The following RP1 variants were observed in gnomAD, a reference collection of about 807,000 sequenced individuals.
RP1 encodes the protein oxygen-regulated protein 1.
In RP1, 16 loss-of-function variants were observed where a neutral mutation model predicts 14.8. That is an observed-to-expected ratio of 1.08 (90% CI 0.73 to 1.65). The LOEUF (loss-of-function observed/expected upper bound fraction) is 1.65. Ranked by LOEUF, RP1 falls within the 40% of genes most tolerant of loss-of-function variation. The pLI is 0.00. For missense variants in RP1, 2,631 were observed against 2,535.0 expected, an observed-to-expected ratio of 1.04 and a Z score of -0.81; for synonymous variants, 876 against 883.6, an observed-to-expected ratio of 0.99 and a Z score of 0.15.
intron 16 of RP1, among the ~76,000 whole-genome samples, chr8:54,725,776 C>A (rs1361189850): frequency 6.6e-6 from 1 of 152,096 alleles, no homozygotes; most frequent in African/African-American, 2.4e-5. Flanking sequence ...AATTTGAAAT[C>A]CTAAATATAA....
At chr8:54,596,450 C>A (rs1805147594) in intron 1 of RP1, among the ~76,000 whole-genome samples, 1 of 152,130 alleles carries the variant, frequency 6.6e-6, no homozygotes, top group Admixed American at 6.5e-5. Flanking sequence ...ACATGAATAC[C>A]TTTCAAATCT....
chr8:54,736,604 G>A (rs1808929772), intron 18 of RP1, among the ~76,000 whole-genome samples: 1 of 152,144 alleles, frequency 6.6e-6, no homozygotes, highest in South Asian at 2.1e-4. Flanking sequence ...CTGGTAAATG[G>A]CTCAGGATAT....
At chr8:54,848,556 T>C (rs1304831184) in intron 25 of RP1, among the ~76,000 whole-genome samples, 1 of 152,180 alleles carries the variant, frequency 6.6e-6, no homozygotes, top group Non-Finnish European at 1.5e-5. Flanking sequence ...CACAGAAATA[T>C]GAACTCATAG....
chr8:54,847,262 T>C (rs1434521364), intron 25 of RP1, among the ~76,000 whole-genome samples: 4 of 152,198 alleles, frequency 2.6e-5, no homozygotes, highest in Non-Finnish European at 5.9e-5. Flanking sequence ...ACAAGTGATG[T>C]CTCTTCTAAG....
Position 54,741,046 on chromosome 8 carries a change from A to C in RP1, c.2808+2017A>C, listed in dbSNP as rs1809072138. On this transcript the variant is annotated intron_variant, in intron 19 of 22. Transcript: ENST00000636932. Reference sequence around the variant, plus strand: ...AGTGAGACTTTGTCTCAAAAAAAAAAAAAGCTTATGGAATAAGAATATAAA... The same window carrying C: ...AGTGAGACTTTGTCTCAAAAAAAAACAAAGCTTATGGAATAAGAATATAAA... 1.3e-5 allele frequency among the ~76,000 whole-genome samples: 2 copies of C among 152,154 alleles called. 1 individual carries two copies. Among genetic ancestry groups the C allele is most frequent in the South Asian group, 4.1e-4 (2 of 4,824 alleles).
At chr8:54,819,706 A>G (rs1326392050) in intron 24 of RP1, among the ~76,000 whole-genome samples, 2 of 152,168 alleles carry the variant, frequency 1.3e-5, no homozygotes, top group Non-Finnish European at 2.9e-5. Flanking sequence ...AAGCCCAGCA[A>G]TGCTGCAACT....
chr8:54,789,834 AG>A (rs1275771720), intron 24 of RP1, among the ~76,000 whole-genome samples: 1 of 152,166 alleles, frequency 6.6e-6, no homozygotes, highest in Non-Finnish European at 1.5e-5. Flanking sequence ...CTGCATTATC[AG>A]GCAACCCACC....
At chr8:54,801,284 T>C (rs1810699485) in intron 24 of RP1, among the ~76,000 whole-genome samples, 2 of 152,162 alleles carry the variant, frequency 1.3e-5, no homozygotes, top group African/African-American at 4.8e-5. Context: ...GTTAATGTAG[T>C]GTTGAGAGGG....
At chr8:54,741,699 A>ATGTG (rs370666848) in intron 19 of RP1, among the ~76,000 whole-genome samples, 25 of 98,976 alleles carry the variant, frequency 2.5e-4, no homozygotes, top group African/African-American at 9.9e-4. Context: ...ATAAATACAA[A>ATGTG]TGTGTGTGTA....
chr8:54,747,991 A>C (rs1214753193), intron 19 of RP1, among the ~76,000 whole-genome samples: 1 of 152,216 alleles, frequency 6.6e-6, no homozygotes, highest in East Asian at 1.9e-4. Flanking sequence ...AAATAGACTC[A>C]AATAGAATAG....
intron 1 of RP1, among the ~76,000 whole-genome samples, chr8:54,609,508 A>G (rs1805540605): frequency 6.6e-6 from 1 of 152,122 alleles, no homozygotes; most frequent in Non-Finnish European, 1.5e-5. Flanking sequence ...AAAAAAAGAG[A>G]AAACAACATA....
intron 6 of RP1, among the ~76,000 whole-genome samples, chr8:54,660,027 T>C (rs1030187519): frequency 3.8e-4 from 58 of 152,176 alleles, no homozygotes; most frequent in Admixed American, 2.0e-4. Context: ...TTTGTTAGTA[T>C]ATAGTAACGC....
intron 1 of RP1, among the ~76,000 whole-genome samples, chr8:54,605,283 C>G (rs1407515468): frequency 6.6e-6 from 1 of 152,196 alleles, no homozygotes; most frequent in African/African-American, 2.4e-5. Flanking sequence ...TTACTGCCTT[C>G]ATTTCGTTAT....
intron 24 of RP1, among the ~76,000 whole-genome samples, chr8:54,835,527 A>G (rs1392237167): frequency 6.6e-6 from 1 of 152,002 alleles, no homozygotes; most frequent in African/African-American, 2.4e-5. Flanking sequence ...GCTTGGACCC[A>G]TTTTCTGTCC....
At position 54,755,739 on chromosome 8, in the gene RP1, C is replaced by T. The variant is rs1030707788; in HGVS notation, c.3062C>T (p.Ser1021Phe). ...TCTGGCCTCAGACAGCTGTACAAAT[C>T]TAACATGCAAGTAAAATTTCAAAGA... The change falls in exon 21 of 23, where the codon TCT (serine) becomes TTT (phenylalanine). Residue 1021 changes from serine to phenylalanine, a missense_variant. By Grantham distance (155) the Ser-to-Phe change is radical. Coordinates refer to the RP1 transcript ENST00000636932. 9.2e-6 allele frequency: 14 copies of T among 1,528,062 alleles called. No individual in the cohort carries two copies. The Admixed American group carries it at 2.6e-4, about 28-fold the overall frequency. The allele number at this position is 1,528,062 out of a possible 1,614,324, so 94.7% of individuals were successfully genotyped here.
At chr8:54,615,714 T>C (rs959631805), upstream of RP1, among the ~76,000 whole-genome samples, 7 of 152,242 alleles carry the variant, frequency 4.6e-5, no homozygotes, top group Admixed American at 2.0e-4. Flanking sequence ...GATCTTTATT[T>C]TTAAATGATT....
chr8:54,746,715 C>G (rs1809232982), intron 19 of RP1, among the ~76,000 whole-genome samples: 1 of 151,990 alleles, frequency 6.6e-6, no homozygotes. Context: ...AGGTAATAAA[C>G]TTTAGAGTTG....
chr8:54,616,747 G>T (rs1401431794), intron 1 of RP1, among the ~76,000 whole-genome samples: 1 of 152,112 alleles, frequency 6.6e-6, no homozygotes, highest in Non-Finnish European at 1.5e-5. Context: ...TTTGTGACTT[G>T]TCTGAATTCA....
chr8:54,769,748 C>T (rs560336354), exon 23 of RP1: 1 of 1,529,238 alleles, frequency 6.5e-7, no homozygotes, highest in South Asian at 1.2e-5. Flanking sequence ...CAGATGGCTT[C>T]CTTTCATGTC....
Sources: gnomAD v4.1 joint callset for allele counts (sites outside exome capture counted in the v4.1 genomes callset) on GRCh38, gnomAD v4.1.1 for gene constraint, MANE v1.5 for transcripts, NCBI Gene and HGNC (gene_info 2026-07-23, HGNC 2026-07-21) for gene names.